The following DACH2 variants were observed in gnomAD, a reference collection of about 807,000 sequenced individuals.
DACH2 encodes dachshund homolog 2.
Under a neutral mutation model 35.8 loss-of-function variants are expected in DACH2, and 17 were observed. The observed-to-expected ratio is 0.48, with a 90% CI of 0.33 to 0.71. The LOEUF is 0.71. Ranked by LOEUF, DACH2 falls within the 30% of genes least tolerant of loss-of-function variation. The pLI is 0.02. For synonymous variants in DACH2, 195 were observed against 177.3 expected (o/e 1.10, Z -0.79); for missense variants, 469 against 472.7 (o/e 0.99, Z 0.07).
chrX:86,510,085 A>G (rs1385053342), intron 2 of DACH2, among the ~76,000 whole-genome samples: 1 of 112,076 alleles, frequency 8.9e-6, no homozygotes, highest in Non-Finnish European at 1.9e-5. Flanking sequence ...ATAAACTGTG[A>G]TTCCTTGCTG....
At chrX:86,563,894 A>G (rs2039260424) in intron 3 of DACH2, among the ~76,000 whole-genome samples, 1 of 111,168 alleles carries the variant, frequency 9.0e-6, no homozygotes, top group African/African-American at 3.3e-5. Context: ...AAAAATCACA[A>G]TATTTTATTG....
intron 1 of DACH2, among the ~76,000 whole-genome samples, chrX:86,339,791 G>T (rs956547720): frequency 2.7e-5 from 3 of 111,936 alleles, no homozygotes; most frequent in African/African-American, 9.7e-5. Flanking sequence ...AAAACTTCAT[G>T]CTAAAAGATT....
At chrX:86,570,015 A>G (rs2039344793) in intron 3 of DACH2, among the ~76,000 whole-genome samples, 1 of 112,070 alleles carries the variant, frequency 8.9e-6, no homozygotes, top group Non-Finnish European at 1.9e-5. Context: ...TCGTTAGAGA[A>G]ATGCAAATTA....
chrX:86,609,902 A>G (rs2039907635), intron 3 of DACH2, among the ~76,000 whole-genome samples: 1 of 111,535 alleles, frequency 9.0e-6, no homozygotes, highest in Non-Finnish European at 1.9e-5. Context: ...ACTGTGCTGA[A>G]TGATAACTGA....
chrX:86,506,953 G>A (rs1258152050), intron 2 of DACH2, among the ~76,000 whole-genome samples: 1 of 111,871 alleles, frequency 8.9e-6, no homozygotes, highest in Admixed American at 9.5e-5. Context: ...TTCACTTTAA[G>A]TGCTTTCCAC....
At chrX:86,479,441 T>G (rs1203809270) in intron 2 of DACH2, among the ~76,000 whole-genome samples, 1 of 111,398 alleles carries the variant, frequency 9.0e-6, no homozygotes, top group Non-Finnish European at 1.9e-5. Context: ...ATTATTAAGT[T>G]CCTTGAGGTA....
intron 1 of DACH2, among the ~76,000 whole-genome samples, chrX:86,318,492 G>C (rs1399504111): frequency 9.0e-6 from 1 of 111,522 alleles, no homozygotes; most frequent in Non-Finnish European, 1.9e-5. Flanking sequence ...ACAATCAAGA[G>C]CATGATTGAC....
chrX:86,397,666 T>G (rs752647728), intron 2 of DACH2, among the ~76,000 whole-genome samples: 38 of 112,200 alleles, frequency 3.4e-4, no homozygotes, highest in African/African-American at 1.2e-3. Context: ...TTTTTGTCTT[T>G]GGTTCTGTTT....
chrX:86,210,499 A>G (rs937038961), intron 1 of DACH2, among the ~76,000 whole-genome samples: 1 of 111,812 alleles, frequency 8.9e-6, no homozygotes, highest in Non-Finnish European at 1.9e-5. Flanking sequence ...TAGTAACTTT[A>G]TTGTTGTTAG....
intron 1 of DACH2, among the ~76,000 whole-genome samples, chrX:86,222,187 A>G (rs997660504): frequency 1.5e-4 from 17 of 112,345 alleles, no homozygotes; most frequent in Admixed American, 4.7e-4. Context: ...TGTACACGAA[A>G]ATAATAGAAA....
At chrX:86,597,968 T>A in intron 3 of DACH2, among the ~76,000 whole-genome samples, 1 of 111,615 alleles carries the variant, frequency 9.0e-6, no homozygotes, top group Non-Finnish European at 1.9e-5. Context: ...CTCGCAATCA[T>A]GGTGGAAGGT....
intron 2 of DACH2, among the ~76,000 whole-genome samples, chrX:86,384,499 C>T (rs756275414): frequency 8.1e-4 from 91 of 111,898 alleles, no homozygotes; most frequent in Non-Finnish European, 1.5e-3. Context: ...TCCATGGCAA[C>T]GTGCCCTAAA....
intron 7 of DACH2, among the ~76,000 whole-genome samples, chrX:86,745,536 A>G (rs1331021646): frequency 2.7e-5 from 3 of 111,201 alleles, no homozygotes; most frequent in Non-Finnish European, 5.7e-5. Context: ...CTGTTCCTGC[A>G]TTAGTTCTCT....
chrX:86,528,104 T>C (rs773744577), intron 3 of DACH2, among the ~76,000 whole-genome samples: 13 of 111,548 alleles, frequency 1.2e-4, no homozygotes, highest in South Asian at 3.8e-4. Context: ...TACAGCGTCA[T>C]GGACCTTGAT....
At chrX:86,742,211 T>A (rs2041663666) in intron 7 of DACH2, among the ~76,000 whole-genome samples, 1 of 110,933 alleles carries the variant, frequency 9.0e-6, no homozygotes, top group African/African-American at 3.3e-5. Context: ...TGAGAATGTT[T>A]AACTCTACAG....
intron 3 of DACH2, among the ~76,000 whole-genome samples, chrX:86,610,418 T>C (rs12846483): frequency 1.8e-3 from 113 of 62,186 alleles, no homozygotes; most frequent in African/African-American, 2.1e-3. Context: ...TCTTTCTTTC[T>C]TTTCTTTCTT....
chrX:86,163,439 T>TA (rs1316286100), intron 1 of DACH2, among the ~76,000 whole-genome samples: 2 of 111,245 alleles, frequency 1.8e-5, no homozygotes, highest in South Asian at 3.8e-4. Flanking sequence ...TTCTTTTTTT[T>TA]AATGTTTATT....
chrX:86,514,262 T>A lies in DACH2; in HGVS notation c.528-17T>A. On this transcript the variant is annotated splice_polypyrimidine_tract_variant and intron_variant, in intron 2 of 11. Transcript: ENST00000373125. The stretch of plus-strand genomic sequence containing the variant: ...TACATTTTTAACCTTTATCTATATT[T>A]GTCTGTTTTTCAACAGTTCAAGACC... The A allele has an allele frequency of 3.4e-6, 4 of 1,187,674 alleles. No individual in the cohort carries two copies. The highest frequency in any genetic ancestry group is 3.4e-6 in the Non-Finnish European group (3 of 875,933).
chrX:86,197,859 C>T (rs1050283536), intron 1 of DACH2, among the ~76,000 whole-genome samples: 4 of 111,505 alleles, frequency 3.6e-5, no homozygotes, highest in African/African-American at 1.3e-4. Flanking sequence ...ATCATCAAGA[C>T]AGAAAATTAA....
Sources: gnomAD v4.1 joint callset for allele counts (sites outside exome capture counted in the v4.1 genomes callset) on GRCh38, gnomAD v4.1.1 for gene constraint, MANE v1.5 for transcripts, NCBI Gene and HGNC (gene_info 2026-07-23, HGNC 2026-07-21) for gene names.